Variants in SEC62 observed in about 807,000 individuals in gnomAD.
SEC62 encodes SEC62 preprotein translocation factor, also known as translocation protein SEC62.
In SEC62, 10 loss-of-function variants were observed where a neutral mutation model predicts 47.5. The ratio of observed to expected loss-of-function variants is 0.21; its 90% CI spans 0.13 to 0.36. The LOEUF is 0.36. Among genes scored for constraint, SEC62 ranks in the 10% least tolerant of loss-of-function variants. SEC62 has a pLI of 1.00. For missense variants in SEC62, 327 were observed against 464.1 expected (o/e 0.70, Z 2.71); for synonymous variants, 136 against 150.5 (o/e 0.90, Z 0.71).
chr3:169,980,929 C>G (rs1188437415), intron 3 of SEC62, among the ~76,000 whole-genome samples: 8 of 151,900 alleles, frequency 5.3e-5, no homozygotes, highest in African/African-American at 1.9e-4. Context: ...AATAAATGTT[C>G]CTGAAAGAAA....
intron 7 of SEC62, among the ~76,000 whole-genome samples, chr3:169,991,212 A>G (rs539732163): frequency 6.6e-6 from 1 of 152,274 alleles, no homozygotes; most frequent in African/African-American, 2.4e-5. Context: ...TATTTTTCCT[A>G]ATATTGAGAG....
intron 1 of SEC62, among the ~76,000 whole-genome samples, chr3:169,971,322 C>T (rs1450077845): frequency 2.0e-5 from 3 of 152,092 alleles, no homozygotes; most frequent in African/African-American, 4.8e-5. Context: ...CGATCCACCT[C>T]GGCCTCCCAA....
intron 3 of SEC62, among the ~76,000 whole-genome samples, chr3:169,977,753 G>A (rs1212841933): frequency 1.3e-5 from 2 of 151,298 alleles, no homozygotes; most frequent in African/African-American, 4.9e-5. Context: ...CTTAATATAT[G>A]TTAACTAAAT....
chr3:169,976,255 T>C (rs1375017227), intron 2 of SEC62, among the ~76,000 whole-genome samples: 2 of 152,066 alleles, frequency 1.3e-5, no homozygotes, highest in African/African-American at 4.8e-5. Flanking sequence ...ATGAGTATGA[T>C]GGCATGCGCC....
intron 5 of SEC62, among the ~76,000 whole-genome samples, chr3:169,984,730 A>G (rs1715058150): frequency 1.3e-5 from 2 of 152,226 alleles, no homozygotes; most frequent in African/African-American, 2.4e-5. Flanking sequence ...GCAGAGTAAA[A>G]TAAGAGGTTA....
intron 1 of SEC62, among the ~76,000 whole-genome samples, chr3:169,973,887 C>T (rs184283577): frequency 2.0e-5 from 3 of 152,126 alleles, no homozygotes; most frequent in African/African-American, 4.8e-5. Flanking sequence ...AGAGGACTTG[C>T]GAAATACAAA....
At chr3:169,970,162 G>T (rs1714662871) in intron 1 of SEC62, among the ~76,000 whole-genome samples, 1 of 152,162 alleles carries the variant, frequency 6.6e-6, no homozygotes. Context: ...GCTAAGGAAA[G>T]AATACAATAG....
At chr3:169,988,993 A>T (rs1297333757) in intron 7 of SEC62, among the ~76,000 whole-genome samples, 1 of 152,112 alleles carries the variant, frequency 6.6e-6, no homozygotes, top group Non-Finnish European at 1.5e-5. Context: ...TTTTCACCCA[A>T]GTACCAAAAT....
At chr3:169,989,532 A>G (rs543586860) in intron 7 of SEC62, among the ~76,000 whole-genome samples, 3 of 151,808 alleles carry the variant, frequency 2.0e-5, no homozygotes, top group African/African-American at 7.2e-5. Flanking sequence ...GAAAAGTCAT[A>G]AACTTTGATC....
chr3:169,994,322 T>A lies in SEC62; in HGVS notation c.*1259T>A, dbSNP rs1012658662. 6.6e-6 allele frequency: 1 copy of A among 152,636 alleles called. No homozygotes were observed. The highest frequency in any genetic ancestry group is 1.5e-5 in the Non-Finnish European group (1 of 68,022). The allele number at this position is 152,636 out of a possible 1,614,324, so 9.5% of individuals were successfully genotyped here. On this transcript the variant is annotated 3_prime_UTR_variant, in exon 8 of 8. Coordinates refer to ENST00000337002, the MANE Select transcript of SEC62 (RefSeq NM_003262.4). Reference sequence around the variant, plus strand: ...GAGTTATACTAACTAATAATGAATATTAAATGATTTTTCTTCAGTCACAGT... The same window carrying A: ...GAGTTATACTAACTAATAATGAATAATAAATGATTTTTCTTCAGTCACAGT...
chr3:169,989,904 T>G (rs1273548811), intron 7 of SEC62, among the ~76,000 whole-genome samples: 1 of 149,594 alleles, frequency 6.7e-6, no homozygotes. Flanking sequence ...ATATTTCTTT[T>G]ATATTATTCT....
chr3:169,968,630 T>G (rs1322347099), intron 1 of SEC62: 1 of 152,210 alleles, frequency 6.6e-6, no homozygotes, highest in Admixed American at 6.5e-5. Context: ...TAAAAGTGTT[T>G]GGCACGCAGC....
chr3:169,971,407 G>T (rs915357779), intron 1 of SEC62, among the ~76,000 whole-genome samples: 1 of 152,078 alleles, frequency 6.6e-6, no homozygotes, highest in African/African-American at 2.4e-5. Flanking sequence ...CTATCTTTCT[G>T]GCTTCAACGC....
At chr3:169,967,717 T>A (rs568138126) in intron 1 of SEC62, among the ~76,000 whole-genome samples, 1 of 152,348 alleles carries the variant, frequency 6.6e-6, no homozygotes, top group East Asian at 1.9e-4. Context: ...TATTTATTAG[T>A]CGTCTCATCA....
At chr3:169,988,386 C>A (rs1008239699) in intron 7 of SEC62, 27 bp downstream of exon 7, 8 of 1,611,890 alleles carry the variant, frequency 5.0e-6, no homozygotes, top group Non-Finnish European at 6.8e-6. Context: ...TAAAATTGAC[C>A]TCAAGAAGGT....
At chr3:169,977,880 C>G (rs1336612526) in intron 3 of SEC62, among the ~76,000 whole-genome samples, 1 of 152,182 alleles carries the variant, frequency 6.6e-6, no homozygotes, top group African/African-American at 2.4e-5. Flanking sequence ...TTAAAAACCA[C>G]TATTTCACAA....
At position 169,996,057 on chromosome 3, in the gene SEC62, G is replaced by A. The variant is rs772203003; in HGVS notation, c.*2994G>A. ...CATGGCATTAGCGTAAAAAGGACAC[G>A]TTTATAGTATGAAAGCTGGAACATG... On this transcript the variant is annotated 3_prime_UTR_variant, in exon 8 of 8. Coordinates refer to ENST00000337002, the MANE Select transcript of SEC62 (RefSeq NM_003262.4). 2.0e-5 allele frequency: 3 copies of A among 152,182 alleles called. No homozygotes were observed. Among genetic ancestry groups the A allele is most frequent in the Admixed American group, 6.6e-5 (1 of 15,256 alleles). The allele number at this position is 152,182 out of a possible 1,614,324, so 9.4% of individuals were successfully genotyped here.
rs117740592 is a variant in SEC62 at position 169,989,255 on chromosome 3, G to A, written c.730+896G>A. 3.7e-4 allele frequency among the ~76,000 whole-genome samples: 14 copies of A among 37,576 alleles called. No homozygotes were observed. The East Asian group carries it at 0.011, about 28-fold the overall frequency. The allele number at this position is 37,576 out of a possible 152,430, so 24.7% of individuals were successfully genotyped here. ...AGTACTGGTGCATTTCATCATGCCT[G>A]GCTTTTTGTGGGGGAGATAGGGTAT... On this transcript the variant is annotated intron_variant, in intron 7 of 7. Transcript: ENST00000337002.
chr3:169,994,641 C>A lies in SEC62; in HGVS notation c.*1578C>A, dbSNP rs1715331924. 1 of 151,994 alleles carries A rather than the reference C, an allele frequency of 6.6e-6. No individual in the cohort carries two copies. Among genetic ancestry groups the A allele is most frequent in the South Asian group, 2.1e-4 (1 of 4,822 alleles). The allele number at this position is 151,994 out of a possible 1,614,324, so 9.4% of individuals were successfully genotyped here. On this transcript the variant is annotated 3_prime_UTR_variant, in exon 8 of 8. Transcript: ENST00000337002. ...ATTGATGAAGTGCCTGGGTATTTTC[C>A]CGTCCCATTTGCAGAGCTCTACTAC...
Sources: allele counts gnomAD v4.1 joint callset (sites outside exome capture counted in the v4.1 genomes callset), GRCh38; gene constraint gnomAD v4.1.1; transcripts MANE v1.5; gene names NCBI Gene and HGNC (gene_info 2026-07-23, HGNC 2026-07-21).